Variants in VAV2 observed in about 807,000 individuals in gnomAD.
The protein encoded by VAV2 is vav guanine nucleotide exchange factor 2.
Under a neutral mutation model 132.5 loss-of-function variants are expected in VAV2, and 67 were observed. That is an observed-to-expected ratio of 0.51 (90% CI 0.42 to 0.62). VAV2 has a LOEUF of 0.62. Among genes scored for constraint, VAV2 ranks in the 20% least tolerant of loss-of-function variants. The pLI is 0.00. For synonymous variants in VAV2, 492 were observed against 443.5 expected (o/e 1.11, Z -1.37); for missense variants, 938 against 1,153.6 (o/e 0.81, Z 2.71).
At chr9:133,779,992 T>C (rs777435075) in intron 20 of VAV2, 53 bp from the exon 21 acceptor site, 3 of 1,608,684 alleles carry the variant, frequency 1.9e-6, no homozygotes, top group Non-Finnish European at 2.5e-6. Flanking sequence ...TCTTTGACTG[T>C]GGCCCATGCA....
chr9:133,788,613 T>TGGCTCACCA lies in VAV2; in HGVS notation c.1275-136_1275-128dup, dbSNP rs1254238396. The stretch of plus-strand genomic sequence containing the variant: ...TCTCCGGGCGAGCCCTGCCCTCACC[T>TGGCTCACCA]GGCTCACCAGGCTAATGCTGAGCCT... On this transcript the variant is annotated intron_variant, in intron 14 of 29. Coordinates refer to ENST00000371850, the MANE Select transcript of VAV2 (RefSeq NM_001134398.2). This position sits in a 1 kb window ranked among gnomAD's most constrained non-coding sequence, Gnocchi z 5.3. The TGGCTCACCA allele has an allele frequency of 1.3e-5, 17 of 1,337,160 alleles. No individual in the cohort carries two copies. The East Asian group carries it at 4.2e-4, about 33-fold the overall frequency. The allele number at this position is 1,337,160 out of a possible 1,614,324, so 82.8% of individuals were successfully genotyped here.
At chr9:133,938,014 C>G (rs1234987526) in intron 2 of VAV2, among the ~76,000 whole-genome samples, 1 of 152,204 alleles carries the variant, frequency 6.6e-6, no homozygotes, top group Non-Finnish European at 1.5e-5. Context: ...GACCTGAGGC[C>G]GTGCAGCACT....
rs557469762 is a variant in VAV2 at position 133,874,100 on chromosome 9, C to T, written c.322-12668G>A. ...AGCTGGTGCCTCTGGCAGCAGAGCC[C>T]GGCTCTCCACGCCGCCCTGCCCTGG... On this transcript the variant is annotated intron_variant, in intron 2 of 29. Coordinates refer to ENST00000371850, the MANE Select transcript of VAV2 (RefSeq NM_001134398.2). 1.3e-3 allele frequency among the ~76,000 whole-genome samples: 197 copies of T among 152,352 alleles called. 6 individuals carry two copies. The highest frequency in any genetic ancestry group is 8.5e-4 in the Admixed American group (13 of 15,304).
chr9:133,803,723 C>T (rs375496875), intron 9 of VAV2, among the ~76,000 whole-genome samples: 2 of 152,208 alleles, frequency 1.3e-5, no homozygotes, highest in African/African-American at 2.4e-5. Context: ...CCACCCTTCA[C>T]CCCCGACGAG....
At chr9:133,844,079 G>A (rs562552344) in intron 3 of VAV2, among the ~76,000 whole-genome samples, 3 of 152,154 alleles carry the variant, frequency 2.0e-5, no homozygotes, top group African/African-American at 7.2e-5. Context: ...CCAGAACCTC[G>A]GCAAGGCAGA....
chr9:133,912,352 C>T lies in VAV2; in HGVS notation c.321+26751G>A, dbSNP rs1448004593. Among the ~76,000 whole-genome samples, 1 of 152,206 alleles carries T rather than the reference C, an allele frequency of 6.6e-6. No homozygotes were observed. The highest frequency in any genetic ancestry group is 1.5e-5 in the Non-Finnish European group (1 of 68,042). The stretch of plus-strand genomic sequence containing the variant: ...CATGAGACCCGGGCTGAACACGAGG[C>T]TATGTCCGTCCAAATCCCCACAGTC... On this transcript the variant is annotated intron_variant, in intron 2 of 29. Transcript: ENST00000371850. The surrounding 1 kb of genome is among the most constrained non-coding windows in gnomAD (Gnocchi z 4.3).
chr9:133,875,904 G>A (rs546261878), intron 2 of VAV2, among the ~76,000 whole-genome samples: 2 of 152,334 alleles, frequency 1.3e-5, no homozygotes, highest in East Asian at 1.9e-4. Flanking sequence ...GACGCCTCCC[G>A]TGCCCTCGGG....
At chr9:133,800,807 C>A (rs577980548) in intron 9 of VAV2, among the ~76,000 whole-genome samples, 2 of 152,202 alleles carry the variant, frequency 1.3e-5, no homozygotes, top group African/African-American at 2.4e-5. Flanking sequence ...ACCGGGAACA[C>A]CCACATCAGC....
chr9:133,953,994 T>C (rs2132191455), intron 1 of VAV2, among the ~76,000 whole-genome samples: 1 of 151,362 alleles, frequency 6.6e-6, no homozygotes, highest in Middle Eastern at 3.4e-3. Flanking sequence ...TGGCTCCACA[T>C]GTGGGACAAC....
At chr9:133,805,409 C>G (rs1046340817) in intron 9 of VAV2, among the ~76,000 whole-genome samples, 7 of 152,320 alleles carry the variant, frequency 4.6e-5, no homozygotes, top group African/African-American at 1.7e-4. Context: ...TTGGCACCGT[C>G]CCCTGATGGG....
chr9:133,937,529 T>A (rs1435004432), intron 2 of VAV2, among the ~76,000 whole-genome samples: 1 of 110,728 alleles, frequency 9.0e-6, no homozygotes. Context: ...CGTGTGAGAG[T>A]GTGTGTGAGA....
At chr9:133,872,102 G>A (rs1321593701) in intron 2 of VAV2, among the ~76,000 whole-genome samples, 1 of 152,240 alleles carries the variant, frequency 6.6e-6, no homozygotes, top group Non-Finnish European at 1.5e-5. Context: ...TCCTCAAGGG[G>A]GTGGCTGAGA....
At chr9:133,807,642 G>A (rs1477202389) in intron 7 of VAV2, among the ~76,000 whole-genome samples, 2 of 152,216 alleles carry the variant, frequency 1.3e-5, no homozygotes, top group Non-Finnish European at 2.9e-5. Context: ...CTTGCGGTGA[G>A]GGGCTGAGAC....
chr9:133,833,646 C>T lies in VAV2; in HGVS notation c.449+626G>A, dbSNP rs1446139678. ...ACCTCCCTCCTCCTGGAGCGGGCCACGTGATCCCACCCTGGTCACAGATTC... is the reference window on the plus strand; with the variant it reads ...ACCTCCCTCCTCCTGGAGCGGGCCATGTGATCCCACCCTGGTCACAGATTC... On this transcript the variant is annotated intron_variant, in intron 4 of 29. Transcript: ENST00000371850. This position sits in a 1 kb window ranked among gnomAD's most constrained non-coding sequence, Gnocchi z 5.6. Among the ~76,000 whole-genome samples the T allele has an allele frequency of 6.6e-6, 1 of 152,158 alleles. No individual in the cohort carries two copies. The highest frequency in any genetic ancestry group is 3.2e-3 in the Middle Eastern group (1 of 316).
intron 2 of VAV2, among the ~76,000 whole-genome samples, chr9:133,881,644 C>G (rs1838500760): frequency 6.6e-6 from 1 of 152,220 alleles, no homozygotes; most frequent in Non-Finnish European, 1.5e-5. Context: ...CGCCGAGGTC[C>G]CAGACGTCCT....
rs1404435741 is a variant in VAV2, at chr9:133,937,519, CGT to C, written c.321+1582_321+1583del. ...GTGTGTGCGTGTGAGTGTGTGTGCG[CGT>C]GTGAGAGTGTGTGTGAGAGTGTGTG... is the stretch of plus-strand genomic sequence containing the variant. On this transcript the variant is annotated intron_variant, in intron 2 of 29. Coordinates refer to ENST00000371850, the MANE Select transcript of VAV2 (RefSeq NM_001134398.2). Among the ~76,000 whole-genome samples, 30 of 118,798 alleles carry C rather than the reference CGT, an allele frequency of 2.5e-4. No homozygotes were observed. In the East Asian group the frequency reaches 4.7e-3, roughly 18 times the overall value. 77.9% of individuals were successfully genotyped at this position (118,798 alleles called of 152,430 possible). A position where few individuals can be genotyped will look rare whatever the true frequency, so the allele number is the denominator to read the frequency against.
chr9:133,839,753 C>T (rs184115600), intron 3 of VAV2, among the ~76,000 whole-genome samples: 50 of 152,276 alleles, frequency 3.3e-4, no homozygotes, highest in African/African-American at 1.2e-3. Context: ...CCAGCCTACA[C>T]GAGGAGGCAT....
chr9:133,901,348 G>A (rs749145529), intron 2 of VAV2, among the ~76,000 whole-genome samples: 2 of 152,256 alleles, frequency 1.3e-5, no homozygotes, highest in Non-Finnish European at 2.9e-5. Context: ...GTTATTCCCC[G>A]TTTGTGACAG....
At chr9:133,853,921 G>A (rs770018552) in intron 3 of VAV2, among the ~76,000 whole-genome samples, 5 of 152,142 alleles carry the variant, frequency 3.3e-5, no homozygotes, top group Non-Finnish European at 7.4e-5. Context: ...AGACTCAACT[G>A]TGGGAGATAC....
Sources: gnomAD v4.1 joint callset for allele counts (sites outside exome capture counted in the v4.1 genomes callset) on GRCh38, gnomAD v4.1.1 for gene constraint, Gnocchi (gnomAD v3.1) non-coding constraint, MANE v1.5 for transcripts, NCBI Gene and HGNC (gene_info 2026-07-23, HGNC 2026-07-21) for gene names.